The following WDR75 variants were observed in gnomAD, a reference collection of about 807,000 sequenced individuals.
WDR75 encodes the protein WD repeat domain 75.
WDR75 carries 52 observed loss-of-function variants against 106.1 expected under a neutral mutation model. The observed-to-expected ratio is 0.49, with a 90% confidence interval of 0.39 to 0.62. The LOEUF (loss-of-function observed/expected upper bound fraction) is 0.62, where lower values mean the gene tolerates loss of function less well. WDR75 is among the 20% of genes least tolerant of loss of function. WDR75 has a pLI of 0.00. For missense variants in WDR75, 905 were observed against 970.3 expected, an observed-to-expected ratio of 0.93 and a Z score of 0.89; for synonymous variants, 333 against 335.5, an observed-to-expected ratio of 0.99 and a Z score of 0.08.
chr2:189,463,853 T>C lies in WDR75; in HGVS notation c.1005T>C (p.Ser335=). 6.2e-7 allele frequency: 1 copy of C among 1,613,858 alleles called. No individual in the cohort carries two copies. The highest frequency in any genetic ancestry group is 8.5e-7 in the Non-Finnish European group (1 of 1,179,804). ...TTGTCACCACTTCTGCAGATAGGAG[T>C]ATCTTCACTGGTTTGATGATTGATC... ...AVIQGLVKDR[S]IFTGLMIDPR... The change falls in exon 11 of 21, where the codon AGT becomes AGC. Residue 335 remains serine (S), a synonymous_variant. Transcript: ENST00000314761.
intron 1 of WDR75, among the ~76,000 whole-genome samples, chr2:189,445,317 C>T (rs1686473963): frequency 6.6e-6 from 1 of 152,162 alleles, no homozygotes; most frequent in South Asian, 2.1e-4. Flanking sequence ...AGTGTCTCAC[C>T]TCAAAGACTC....
At position 189,448,462 on chromosome 2, in the gene WDR75, G is replaced by C. The variant is rs746830047; in HGVS notation, c.170G>C (p.Arg57Thr). The change falls in exon 2 of 21, where the codon AGA (arginine) becomes ACA (threonine). Residue 57 changes from arginine (R) to threonine (T), a missense_variant. By Grantham distance (71) the Arg-to-Thr change is moderately conservative. Transcript: ENST00000314761. ...EECVHILHGH[R>T]NLVTGIQLNP... ...TGTGTACACATACTGCATGGACACA[G>C]AAATCTGGTGACTGGAATCCAGCTT... The C allele has an allele frequency of 6.2e-6, 10 of 1,614,012 alleles. No homozygotes were observed. In the South Asian group the frequency reaches 9.9e-5, roughly 16 times the overall value.
intron 8 of WDR75, among the ~76,000 whole-genome samples, chr2:189,460,445 A>T (rs1166857177): frequency 6.6e-6 from 1 of 151,340 alleles, no homozygotes; most frequent in Non-Finnish European, 1.5e-5. Context: ...CCCACTCCAC[A>T]CCCTCAAAAT....
At position 189,475,430 on chromosome 2, in the gene WDR75, G is replaced by A. The variant is rs1687194734; in HGVS notation, c.*13G>A. 10 of 1,541,086 alleles carry A rather than the reference G, an allele frequency of 6.5e-6. No individual in the cohort carries two copies. Among genetic ancestry groups the A allele is most frequent in the Non-Finnish European group, 2.7e-6 (3 of 1,129,778 alleles). On this transcript the variant is annotated 3_prime_UTR_variant, in exon 21 of 21. Transcript: ENST00000314761. The stretch of plus-strand genomic sequence containing the variant: ...AGCTGCCCTTTAAGCCTTGGAGATG[G>A]GGAGGATCCTTGGACTTTGTGTTTT...
intron 4 of WDR75, 187 bp downstream of exon 4, chr2:189,452,082 A>C (rs1686634084): frequency 1.9e-6 from 1 of 525,694 alleles, no homozygotes; most frequent in Non-Finnish European, 3.4e-6. Flanking sequence ...GCAGTGAGGG[A>C]GGGATTATTT....
intron 3 of WDR75, among the ~76,000 whole-genome samples, chr2:189,451,532 A>T (rs182856753): frequency 6.6e-6 from 1 of 152,218 alleles, no homozygotes; most frequent in Non-Finnish European, 1.5e-5. Context: ...CAAAGTCCTT[A>T]TAGCATTGTT....
chr2:189,463,670 A>G lies in WDR75; in HGVS notation c.938-24A>G, dbSNP rs768206959. On this transcript the variant is annotated intron_variant, in intron 9 of 20. Coordinates refer to ENST00000314761, the MANE Select transcript of WDR75 (RefSeq NM_032168.3). ...CTTTCTCTAACCTATTGATATTTAA[A>G]TACCTATTTTTTTCTACCCACAGAG... is the stretch of plus-strand genomic sequence containing the variant. 1.1e-5 allele frequency: 18 copies of G among 1,612,936 alleles called. No homozygotes were observed. In the Admixed American group the frequency reaches 2.5e-4, roughly 22 times the overall value.
At chr2:189,445,381 A>G (rs1686475766) in intron 1 of WDR75, among the ~76,000 whole-genome samples, 1 of 152,220 alleles carries the variant, frequency 6.6e-6, no homozygotes, top group Non-Finnish European at 1.5e-5. Flanking sequence ...GCCTTGTGGT[A>G]AGTTCTGTGA....
In WDR75 at chr2:189,455,421, A is replaced by C; in HGVS notation, c.475A>C (p.Lys159Gln). The change falls in exon 5 of 21, where the codon AAG becomes CAG. Residue 159 changes from lysine to glutamine, a missense_variant. Lys to Gln is a moderately conservative substitution (Grantham distance 53). Coordinates refer to ENST00000314761, the MANE Select transcript of WDR75 (RefSeq NM_032168.3). Reference sequence around the variant, plus strand: ...TTTGGATTACATAAACCAGTCACCCAAGTGCATTGCCTTTGGAAACGAGGT... The same window carrying C: ...TTTGGATTACATAAACCAGTCACCCCAGTGCATTGCCTTTGGAAACGAGGT... ...FVLDYINQSP[K>Q]CIAFGNEGVY... 6.2e-7 allele frequency: 1 copy of C among 1,612,334 alleles called. No homozygotes were observed.
intron 1 of WDR75, among the ~76,000 whole-genome samples, chr2:189,446,713 C>T (rs1239259942): frequency 6.6e-6 from 1 of 152,110 alleles, no homozygotes; most frequent in Non-Finnish European, 1.5e-5. Flanking sequence ...ATGCCTAGAA[C>T]CACAGGTAAT....
Position 189,458,749 on chromosome 2 carries a change from C to A in WDR75, c.570-4C>A, listed in dbSNP as rs574319277. On this transcript the variant is annotated splice_region_variant and splice_polypyrimidine_tract_variant and intron_variant, in intron 6 of 20. Transcript: ENST00000314761. ...TAAGGGAATTTGTTTTTTTTTTCTC[C>A]TAGGTTTACTTTATCATCATCAAGA... 6.5e-7 allele frequency: 1 copy of A among 1,544,884 alleles called. No individual in the cohort carries two copies. Among genetic ancestry groups the A allele is most frequent in the South Asian group, 1.3e-5 (1 of 79,174 alleles).
intron 5 of WDR75, 135 bp downstream of exon 5, chr2:189,455,579 C>T (rs1297165982): frequency 9.6e-6 from 11 of 1,151,808 alleles, no homozygotes; most frequent in Non-Finnish European, 1.3e-5. Flanking sequence ...TAAGAAGCCT[C>T]TTCATTGCTT....
Position 189,469,538 on chromosome 2 carries a change from T to C in WDR75, c.1819+99T>C, listed in dbSNP as rs1331458916. The C allele has an allele frequency of 4.1e-6, 4 of 969,982 alleles. No homozygotes were observed. In the African/African-American group the frequency reaches 4.9e-5, roughly 12 times the overall value. 60.1% of individuals were successfully genotyped at this position (969,982 alleles called of 1,614,324 possible). On this transcript the variant is annotated intron_variant, in intron 16 of 20. Transcript: ENST00000314761. ...AACTTGCCTTCACATCAGATGTTAA[T>C]TGGAAGCCATTTTGCTTGAGGCACG... is the stretch of plus-strand genomic sequence containing the variant.
At position 189,466,418 on chromosome 2, in the gene WDR75, C is replaced by A. The variant is rs747632709; in HGVS notation, c.1290-7C>A. On this transcript the variant is annotated splice_polypyrimidine_tract_variant and splice_region_variant and intron_variant, in intron 12 of 20. Coordinates refer to ENST00000314761, the MANE Select transcript of WDR75 (RefSeq NM_032168.3). Reference sequence around the variant, plus strand: ...CAAGAATAAATTTGTGGTTTCCTTCCCGCTAGGTTTATTCTTAACACTAAA... The same window carrying A: ...CAAGAATAAATTTGTGGTTTCCTTCACGCTAGGTTTATTCTTAACACTAAA... The A allele has an allele frequency of 2.3e-5, 37 of 1,610,768 alleles. No homozygotes were observed. The highest frequency in any genetic ancestry group is 3.1e-5 in the Non-Finnish European group (36 of 1,178,486).
At chr2:189,449,220 A>C in intron 2 of WDR75, 1 of 1,296,958 alleles carries the variant, frequency 7.7e-7, no homozygotes, top group Non-Finnish European at 1.0e-6. Flanking sequence ...CTTATTTTTA[A>C]TCCAATTCCA....
intron 18 of WDR75, among the ~76,000 whole-genome samples, 169 bp downstream of exon 18, chr2:189,471,047 ATTATT>A (rs1687110172): frequency 6.6e-6 from 1 of 152,136 alleles, no homozygotes. Flanking sequence ...CTCTTTTAAA[ATTATT>A]TTAATTTATA....
chr2:189,475,225 T>A lies in WDR75; in HGVS notation c.2301T>A (p.Ile767=). Residue 767 remains isoleucine (I), a synonymous_variant, in exon 21 of 21, where the codon ATT becomes ATA. Coordinates refer to ENST00000314761, the MANE Select transcript of WDR75 (RefSeq NM_032168.3). ...LSKETKSAKE[I]PEDVDMEEEK... Reference sequence around the variant, plus strand: ...GTTATTGTTAAAGTGCTAAGGAAATTCCTGAAGATGTAGATATGGAAGAAG... The same window carrying A: ...GTTATTGTTAAAGTGCTAAGGAAATACCTGAAGATGTAGATATGGAAGAAG... 1 of 1,607,942 alleles carries A rather than the reference T, an allele frequency of 6.2e-7. No homozygotes were observed. Among genetic ancestry groups the A allele is most frequent in the Non-Finnish European group, 8.5e-7 (1 of 1,177,250 alleles).
At position 189,448,434 on chromosome 2, in the gene WDR75, G is replaced by C. The variant is rs1297129440; in HGVS notation, c.142G>C (p.Glu48Gln). 17 of 1,613,936 alleles carry C rather than the reference G, an allele frequency of 1.1e-5. No homozygotes were observed. Among genetic ancestry groups the C allele is most frequent in the Non-Finnish European group, 1.4e-5 (16 of 1,179,848 alleles). Residue 48 changes from glutamate (E) to glutamine (Q), a missense_variant, in exon 2 of 21, where the codon GAG (glutamate) becomes CAG (glutamine). Glu to Gln is a conservative substitution (Grantham distance 29). Coordinates refer to ENST00000314761, the MANE Select transcript of WDR75 (RefSeq NM_032168.3). ...FVKVYSTVTE[E>Q]CVHILHGHRN... ...TAAAGTTTACAGCACAGTTACAGAA[G>C]AGTGTGTACACATACTGCATGGACA...
intron 2 of WDR75, 68 bp from the exon 3 acceptor site, chr2:189,450,835 A>T: frequency 1.9e-6 from 3 of 1,591,412 alleles, no homozygotes; most frequent in Non-Finnish European, 2.6e-6. Context: ...TCAACATTTA[A>T]TTATTCATTT....
Sources: gnomAD v4.1 joint callset for allele counts (sites outside exome capture counted in the v4.1 genomes callset) on GRCh38, gnomAD v4.1.1 for gene constraint, MANE v1.5 for transcripts, NCBI Gene and HGNC (gene_info 2026-07-23, HGNC 2026-07-21) for gene names.